MYH4: variants seen among roughly 807,000 people sequenced by gnomAD.
MYH4 encodes the protein myosin-4.
In MYH4, 200 loss-of-function variants were observed where a neutral mutation model predicts 229.9. The ratio of observed to expected loss-of-function variants is 0.87; its 90% CI spans 0.78 to 0.98. The LOEUF (loss-of-function observed/expected upper bound fraction) is 0.98. MYH4 is among the 50% of genes least tolerant of loss of function. The pLI is 0.00. For synonymous variants in MYH4, 761 were observed against 834.6 expected (o/e 0.91, Z 1.52); for missense variants, 2,148 against 2,332.6 (o/e 0.92, Z 1.63).
chr17:10,464,108 A>G (rs1419957719), intron 7 of MYH4, among the ~76,000 whole-genome samples: 1 of 152,116 alleles, frequency 6.6e-6, no homozygotes, highest in East Asian at 1.9e-4. Flanking sequence ...TGATCCTGTC[A>G]TCCAGGTAAT....
rs1567702798 is a variant in MYH4, at chr17:10,455,913, T to C, written c.1969-12A>G. 1.9e-6 allele frequency: 3 copies of C among 1,614,030 alleles called. No individual in the cohort carries two copies. The highest frequency in any genetic ancestry group is 3.3e-4 in the Middle Eastern group (2 of 6,080). ...TTATTCAAATTCTCCTGTGGAACCA[T>C]ATGAAAAGTTTTAAAATCATTTCTA... On this transcript the variant is annotated splice_polypyrimidine_tract_variant and intron_variant, in intron 17 of 39. Coordinates refer to ENST00000255381, the MANE Select transcript of MYH4 (RefSeq NM_017533.2).
In MYH4 at chr17:10,443,712, G is replaced by C. The variant is rs2072481298; in HGVS notation, c.5668-185C>G. Among the ~76,000 whole-genome samples the C allele has an allele frequency of 6.6e-6, 1 of 152,140 alleles. No individual in the cohort carries two copies. The highest frequency in any genetic ancestry group is 1.5e-5 in the Non-Finnish European group (1 of 68,016). ...GAGGCGGGTGGATCACCTGAGGTCA[G>C]GAATTCGAGACCAGCCTGGCCAACA... On this transcript the variant is annotated intron_variant, in intron 39 of 39. Transcript: ENST00000255381. This position sits in a 1 kb window ranked among gnomAD's most constrained non-coding sequence, Gnocchi z 4.6.
intron 19 of MYH4, 134 bp from the exon 20 acceptor site, chr17:10,455,429 T>C (rs2072628078): frequency 3.8e-6 from 5 of 1,302,464 alleles, no homozygotes; most frequent in Non-Finnish European, 2.1e-6. Flanking sequence ...AGTCAGTGCT[T>C]TATTTAAAAC....
At position 10,459,951 on chromosome 17, in the gene MYH4, C is replaced by T. The variant is rs1174005555; in HGVS notation, c.1416+1G>A. 1.9e-6 allele frequency: 3 copies of T among 1,613,838 alleles called. No homozygotes were observed. Among genetic ancestry groups the T allele is most frequent in the Non-Finnish European group, 2.5e-6 (3 of 1,179,930 alleles). ...TAATTTTCTGTCAGTTCACTACTCA[C>T]ATCAAAGATCTCAAAGCCAGCAATG... is the stretch of plus-strand genomic sequence containing the variant. On this transcript the variant is annotated splice_donor_variant, in intron 14 of 39. Transcript: ENST00000255381. LOFTEE classifies it high-confidence loss of function.
chr17:10,452,326 C>T lies in MYH4; in HGVS notation c.3353G>A (p.Arg1118His), dbSNP rs1248088400. ...LQKKIKELQA[R>H]IEELEEEIEA... ...GATTTCCTCCTCCAGCTCCTCAATG[C>T]GGGCCTGGTTGTGATATGTCAACAT... The change falls in exon 27 of 40, where the codon CGC (arginine) becomes CAC (histidine). Residue 1118 changes from arginine (R) to histidine (H), a missense_variant. Coordinates refer to ENST00000255381, the MANE Select transcript of MYH4 (RefSeq NM_017533.2). 3 of 1,614,094 alleles carry T rather than the reference C, an allele frequency of 1.9e-6. No individual in the cohort carries two copies. The highest frequency in any genetic ancestry group is 8.5e-7 in the Non-Finnish European group (1 of 1,180,008).
At chr17:10,460,887 A>G in intron 12 of MYH4, 29 bp downstream of exon 12, 1 of 1,612,524 alleles carries the variant, frequency 6.2e-7, no homozygotes, top group South Asian at 1.1e-5. Flanking sequence ...CAGCTTTGTC[A>G]AGTGGAAGAT....
At chr17:10,462,615 T>C (rs1276314867) in intron 11 of MYH4, among the ~76,000 whole-genome samples, 1 of 152,060 alleles carries the variant, frequency 6.6e-6, no homozygotes, top group South Asian at 2.1e-4. Flanking sequence ...ATAAGAAAGA[T>C]AGAATGAAAG....
In MYH4 at chr17:10,457,643, T is replaced by C. The variant is rs1454058773; in HGVS notation, c.1674A>G (p.Gln558=). ...GGAAGTTGTTGGATTTTCCAAGATG[T>C]TGTTCATACAGCTTGTTCTTGAAGG... is the stretch of plus-strand genomic sequence containing the variant. ...DTSFKNKLYE[Q]HLGKSNNFQK... is the part of the protein sequence containing the mutation. Residue 558 remains glutamine (Q), a synonymous_variant, in exon 16 of 40, where the codon CAA becomes CAG. Coordinates refer to ENST00000255381, the MANE Select transcript of MYH4 (RefSeq NM_017533.2). 4 of 1,614,190 alleles carry C rather than the reference T, an allele frequency of 2.5e-6. No individual in the cohort carries two copies. Among genetic ancestry groups the C allele is most frequent in the African/African-American group, 1.3e-5 (1 of 75,044 alleles).
Position 10,469,290 on chromosome 17 carries a change from C to T in MYH4, c.-42G>A, listed in dbSNP as rs1250887242. 1 of 152,120 alleles carries T rather than the reference C, an allele frequency of 6.6e-6. No homozygotes were observed. Among genetic ancestry groups the T allele is most frequent in the Non-Finnish European group, 1.5e-5 (1 of 68,012 alleles). 9.4% of individuals were successfully genotyped at this position (152,120 alleles called of 1,614,324 possible). On this transcript the variant is annotated splice_region_variant and 5_prime_UTR_variant, in exon 2 of 40. Transcript: ENST00000255381. ...GTGTAATAATAAATTATTCTTACCTCTTGTATTATCAGATGAAGAAGGTGG... is the reference window on the plus strand; with the variant it reads ...GTGTAATAATAAATTATTCTTACCTTTTGTATTATCAGATGAAGAAGGTGG...
chr17:10,462,823 G>C, intron 11 of MYH4, 42 bp downstream of exon 11: 1 of 1,508,252 alleles, frequency 6.6e-7, no homozygotes, highest in Non-Finnish European at 9.2e-7. Flanking sequence ...TTGTACACTG[G>C]AAAATGAATT....
Position 10,459,407 on chromosome 17 carries a change from C to CA in MYH4, c.1430_1431insT (p.Glu477AspfsTer39). 1 of 1,614,136 alleles carries CA rather than the reference C, an allele frequency of 6.2e-7. No homozygotes were observed. The highest frequency in any genetic ancestry group is 8.5e-7 in the Non-Finnish European group (1 of 1,180,024). On this transcript the variant is annotated frameshift_variant, in exon 15 of 40. Coordinates refer to ENST00000255381, the MANE Select transcript of MYH4 (RefSeq NM_017533.2). LOFTEE classifies it high-confidence loss of function. ...CGTTGGTGAAGTTGATGCACAGCTGCTCCAGGCTGTTGAACTACAGAACAA... is the reference window on the plus strand; with the variant it reads ...CGTTGGTGAAGTTGATGCACAGCTGCATCCAGGCTGTTGAACTACAGAACAA...
intron 14 of MYH4, 104 bp downstream of exon 14, chr17:10,459,848 G>T: frequency 6.3e-7 from 1 of 1,593,224 alleles, no homozygotes; most frequent in Non-Finnish European, 8.6e-7. Flanking sequence ...CTTTCAGTAG[G>T]AATTACATTT....
rs745498928 is a variant in MYH4 at position 10,447,672 on chromosome 17, A to G, written c.4965+146T>C. 1.6e-4 allele frequency: 130 copies of G among 799,138 alleles called. No individual in the cohort carries two copies. In the Middle Eastern group the frequency reaches 2.7e-3, roughly 17 times the overall value. 49.5% of individuals were successfully genotyped at this position (799,138 alleles called of 1,614,324 possible). A position where few individuals can be genotyped will look rare whatever the true frequency, so the allele number is the denominator to read the frequency against. ...GCCTTCCAGAATTAAGCTCTTTTTCAGTTGTGTGTGTATAACTTTGAACTT... is the reference window on the plus strand; with the variant it reads ...GCCTTCCAGAATTAAGCTCTTTTTCGGTTGTGTGTGTATAACTTTGAACTT... On this transcript the variant is annotated intron_variant, in intron 34 of 39. Coordinates refer to ENST00000255381, the MANE Select transcript of MYH4 (RefSeq NM_017533.2).
chr17:10,446,984 A>G (rs750213356), intron 35 of MYH4, 29 bp downstream of exon 35: 2 of 1,602,002 alleles, frequency 1.2e-6, no homozygotes, highest in South Asian at 1.1e-5. Context: ...CAGGGAGTAC[A>G]TTTTCTAAAC....
Position 10,459,423 on chromosome 17 carries a change from T to C in MYH4, c.1417-2A>G. On this transcript the variant is annotated splice_acceptor_variant, in intron 14 of 39. Transcript: ENST00000255381. LOFTEE classifies it high-confidence loss of function. ...GCACAGCTGCTCCAGGCTGTTGAAC[T>C]ACAGAACAAGATAAATATAGGAAAT... is the stretch of plus-strand genomic sequence containing the variant. The C allele has an allele frequency of 1.2e-6, 2 of 1,614,156 alleles. No individual in the cohort carries two copies. Among genetic ancestry groups the C allele is most frequent in the Non-Finnish European group, 1.7e-6 (2 of 1,180,024 alleles).
rs1383395747 is a variant in MYH4, at chr17:10,464,490, A to C, written c.630T>G (p.Pro210=). 1.9e-6 allele frequency: 3 copies of C among 1,613,430 alleles called. No individual in the cohort carries two copies. In the African/African-American group the frequency reaches 4.0e-5, roughly 22 times the overall value. The change falls in exon 7 of 40, where the codon CCT becomes CCG. Residue 210 remains proline, a synonymous_variant. Transcript: ENST00000255381. ...AVTGEKKKEE[P]ASGKMQGTLE... Reference sequence around the variant, plus strand: ...TGCCCACCTGCATTTTGCCAGAGGCAGGTTCCTCTTTTTTCTTCTCTCCAG... The same window carrying C: ...TGCCCACCTGCATTTTGCCAGAGGCCGGTTCCTCTTTTTTCTTCTCTCCAG...
Position 10,455,238 on chromosome 17 carries a change from C to T in MYH4, c.2232G>A (p.Lys744=), listed in dbSNP as rs370452893. Residue 744 remains lysine (K), a synonymous_variant, in exon 20 of 40, where the codon AAG becomes AAA. Transcript: ENST00000255381. ...IPEGQFIDSK[K]ASEKLLGSIE... ...TAGACCCTAGAAGTTTCTCAGAAGC[C>T]TTCTTGCTGTCAATGAACTGACCCT... 161 of 1,614,020 alleles carry T rather than the reference C, an allele frequency of 1.0e-4. 1 individual carries two copies. Among genetic ancestry groups the T allele is most frequent in the Admixed American group, 3.2e-4 (19 of 60,012 alleles).
At chr17:10,444,162 AT>A (rs1173384805) in intron 39 of MYH4, among the ~76,000 whole-genome samples, 1 of 152,208 alleles carries the variant, frequency 6.6e-6, no homozygotes, top group African/African-American at 2.4e-5. Context: ...CAGTAGTGGC[AT>A]TTGGTGCCAA....
At chr17:10,458,783 G>A (rs921720594) in intron 15 of MYH4, among the ~76,000 whole-genome samples, 1 of 152,166 alleles carries the variant, frequency 6.6e-6, no homozygotes, top group Admixed American at 6.5e-5. Flanking sequence ...TTATTCAGTA[G>A]TTATCATGAA....
Sources: allele counts gnomAD v4.1 joint callset (sites outside exome capture counted in the v4.1 genomes callset), GRCh38; gene constraint gnomAD v4.1.1; non-coding constraint Gnocchi (gnomAD v3.1); transcripts MANE v1.5; gene names NCBI Gene and HGNC (gene_info 2026-07-23, HGNC 2026-07-21).